NELL2: variants seen among roughly 807,000 people sequenced by gnomAD.
The protein encoded by NELL2 is neural EGFL like 2.
Under a neutral mutation model 109.6 loss-of-function variants are expected in NELL2, and 41 were observed. That is an observed-to-expected ratio of 0.37 (90% confidence interval 0.29 to 0.49). The LOEUF (loss-of-function observed/expected upper bound fraction) is 0.49, where lower values mean the gene tolerates loss of function less well. Among genes scored for constraint, NELL2 ranks in the 20% least tolerant of loss-of-function variants. NELL2 has a pLI of 0.98. For synonymous variants in NELL2, 355 were observed against 344.7 expected, an observed-to-expected ratio of 1.03 and a Z score of -0.33; for missense variants, 900 against 1,008.3, an observed-to-expected ratio of 0.89 and a Z score of 1.45.
chr12:44,554,371 G>A (rs1268175733), intron 15 of NELL2, among the ~76,000 whole-genome samples: 10 of 152,104 alleles, frequency 6.6e-5, no homozygotes, highest in Admixed American at 6.6e-4. Context: ...CATACTATAT[G>A]ATTATGCTTA....
At chr12:44,686,080 C>T (rs1461908682) in intron 12 of NELL2, among the ~76,000 whole-genome samples, 1 of 152,210 alleles carries the variant, frequency 6.6e-6, no homozygotes, top group African/African-American at 2.4e-5. Flanking sequence ...GGTCTTTTCA[C>T]ATAGTCCCAT....
At chr12:44,780,113 T>C in intron 3 of NELL2, 91 bp from the exon 4 acceptor site, 2 of 1,365,966 alleles carry the variant, frequency 1.5e-6, no homozygotes, top group Non-Finnish European at 2.0e-6. Flanking sequence ...ATAGATGTAC[T>C]TTTCCTAGTT....
intron 1 of NELL2, among the ~76,000 whole-genome samples, chr12:44,883,415 C>T (rs1945438016): frequency 6.6e-6 from 1 of 151,936 alleles, no homozygotes; most frequent in African/African-American, 2.4e-5. Context: ...AGGGCCTTTG[C>T]TTTTAAGGAT....
chr12:44,604,109 CAGAGA>C (rs1161784349), intron 15 of NELL2, among the ~76,000 whole-genome samples: 1 of 151,920 alleles, frequency 6.6e-6, no homozygotes, highest in East Asian at 1.9e-4. Context: ...TAACAAAAGG[CAGAGA>C]CCTGATGAAG....
At chr12:44,834,834 C>T (rs1944002212) in intron 2 of NELL2, among the ~76,000 whole-genome samples, 1 of 152,192 alleles carries the variant, frequency 6.6e-6, no homozygotes, top group South Asian at 2.1e-4. Context: ...TCTGCTTGGA[C>T]CCACCTCTCA....
At chr12:44,648,052 C>A (rs1337575368) in intron 13 of NELL2, among the ~76,000 whole-genome samples, 1 of 152,004 alleles carries the variant, frequency 6.6e-6, no homozygotes, top group Non-Finnish European at 1.5e-5. Context: ...GTGGAGATTG[C>A]CACACAGGTC....
intron 15 of NELL2, among the ~76,000 whole-genome samples, chr12:44,550,893 T>A (rs938338457): frequency 4.6e-5 from 7 of 152,180 alleles, no homozygotes; most frequent in Admixed American, 3.9e-4. Flanking sequence ...ATGGTTAAAC[T>A]GTGCAAAGTT....
chr12:44,880,378 C>T (rs1013848697), upstream of NELL2, among the ~76,000 whole-genome samples: 4 of 151,880 alleles, frequency 2.6e-5, no homozygotes, highest in African/African-American at 9.7e-5. Flanking sequence ...AAACCATTAG[C>T]TCTAATAAGC....
At chr12:44,555,408 G>A (rs1050892756) in intron 15 of NELL2, among the ~76,000 whole-genome samples, 2 of 152,100 alleles carry the variant, frequency 1.3e-5, no homozygotes, top group African/African-American at 4.8e-5. Context: ...TATTTCTTAT[G>A]AGTCTTCGAA....
chr12:44,590,279 A>G (rs982936662), intron 15 of NELL2, among the ~76,000 whole-genome samples: 17 of 152,170 alleles, frequency 1.1e-4, no homozygotes, highest in African/African-American at 4.1e-4. Context: ...CCTGTCAACT[A>G]AGAACACCTG....
chr12:44,623,615 C>T (rs1028048984), intron 13 of NELL2, among the ~76,000 whole-genome samples: 3 of 152,028 alleles, frequency 2.0e-5, no homozygotes, highest in African/African-American at 7.3e-5. Flanking sequence ...GCTCTTGCCC[C>T]CAGGAATCAC....
At chr12:44,658,479 T>C (rs1159860303) in intron 13 of NELL2, among the ~76,000 whole-genome samples, 1 of 152,084 alleles carries the variant, frequency 6.6e-6, no homozygotes, top group African/African-American at 2.4e-5. Context: ...TGCTCATGGA[T>C]AGGAAGAATC....
intron 15 of NELL2, among the ~76,000 whole-genome samples, chr12:44,588,505 T>A (rs922262666): frequency 6.6e-6 from 1 of 152,158 alleles, no homozygotes; most frequent in African/African-American, 2.4e-5. Flanking sequence ...GTCTCAGGGA[T>A]CTTCCCTTGC....
At chr12:44,702,436 TA>T (rs901101666) in intron 12 of NELL2, among the ~76,000 whole-genome samples, 8 of 151,638 alleles carry the variant, frequency 5.3e-5, no homozygotes, top group Non-Finnish European at 1.0e-4. Context: ...GCTCAAAATT[TA>T]AAAAAAAGCA....
intron 9 of NELL2, among the ~76,000 whole-genome samples, chr12:44,767,266 TA>T (rs1301828352): frequency 2.0e-5 from 3 of 152,274 alleles, no homozygotes; most frequent in East Asian, 3.9e-4. Flanking sequence ...TATTTCTCAT[TA>T]AAAGATCTCC....
chr12:44,723,521 A>T (rs1343109060), intron 9 of NELL2, among the ~76,000 whole-genome samples: 1 of 152,176 alleles, frequency 6.6e-6, no homozygotes, highest in African/African-American at 2.4e-5. Flanking sequence ...ACACTCAATC[A>T]TGTTTTGATG....
chr12:44,583,822 G>C (rs950903461), intron 15 of NELL2, among the ~76,000 whole-genome samples: 5 of 152,034 alleles, frequency 3.3e-5, no homozygotes, highest in Admixed American at 1.3e-4. Flanking sequence ...GCCCAGGCTG[G>C]AGTGCAGTGG....
intron 19 of NELL2, among the ~76,000 whole-genome samples, chr12:44,516,673 G>T (rs1305695934): frequency 6.6e-6 from 1 of 152,072 alleles, no homozygotes; most frequent in African/African-American, 2.4e-5. Flanking sequence ...TTCCAAAAAA[G>T]TTTTAGAGGC....
intron 2 of NELL2, among the ~76,000 whole-genome samples, chr12:44,867,560 A>C (rs1921550): frequency 0.29 from 43,402 of 152,134 alleles, 7,550 homozygotes; most frequent in Non-Finnish European, 0.4. Context: ...CCTCTAAAAT[A>C]AGGAAAAAGA....
Sources: allele counts gnomAD v4.1 joint callset (sites outside exome capture counted in the v4.1 genomes callset), GRCh38; gene constraint gnomAD v4.1.1; transcripts MANE v1.5; gene names NCBI Gene and HGNC (gene_info 2026-07-23, HGNC 2026-07-21).